The following CYRIB variants were observed in gnomAD, a reference collection of about 807,000 sequenced individuals.
CYRIB encodes CYFIP-related Rac1 interactor B.
A neutral mutation model predicts 44.2 loss-of-function variants in CYRIB; 8 were observed. That is an observed-to-expected ratio of 0.18 (90% CI 0.11 to 0.33). CYRIB has a LOEUF of 0.33. Among genes scored for constraint, CYRIB ranks in the 10% least tolerant of loss-of-function variants. The pLI is 1.00. For synonymous variants in CYRIB, 131 were observed against 127.2 expected (o/e 1.03, Z -0.20); for missense variants, 185 against 382.8 (o/e 0.48, Z 4.31).
chr8:129,981,990 G>A (rs1455509436), intron 1 of CYRIB, among the ~76,000 whole-genome samples: 4 of 152,212 alleles, frequency 2.6e-5, no homozygotes, highest in Non-Finnish European at 4.4e-5. Flanking sequence ...ATTCCTCTTT[G>A]TGTCCTGGTA....
intron 1 of CYRIB, among the ~76,000 whole-genome samples, chr8:129,921,465 C>T (rs768701928): frequency 9.2e-5 from 14 of 152,326 alleles, no homozygotes; most frequent in Non-Finnish European, 1.9e-4. Flanking sequence ...TATCACCAAA[C>T]CGAGACCTTT....
At chr8:129,882,541 G>A (rs2061165117) in intron 2 of CYRIB, among the ~76,000 whole-genome samples, 1 of 152,092 alleles carries the variant, frequency 6.6e-6, no homozygotes, top group African/African-American at 2.4e-5. Context: ...TCAGAATGAA[G>A]CCCATATTTA....
intron 1 of CYRIB, among the ~76,000 whole-genome samples, chr8:129,919,390 T>C (rs1188256834): frequency 6.6e-6 from 1 of 152,194 alleles, no homozygotes; most frequent in African/African-American, 2.4e-5. Context: ...AGACTCCCAA[T>C]AGGCCAGACA....
intron 1 of CYRIB, among the ~76,000 whole-genome samples, chr8:129,938,896 C>T (rs150482542): frequency 6.6e-6 from 1 of 152,300 alleles, no homozygotes; most frequent in East Asian, 1.9e-4. Flanking sequence ...TTGCCACTTC[C>T]ACTAGAGTTT....
intron 1 of CYRIB, among the ~76,000 whole-genome samples, chr8:129,928,077 G>A (rs140955917): frequency 1.5e-3 from 225 of 151,664 alleles, no homozygotes; most frequent in African/African-American, 1.8e-3. Context: ...CTTTGGTGAG[G>A]CAAAGATTTC....
chr8:129,846,152 T>A (rs552579480), intron 11 of CYRIB, among the ~76,000 whole-genome samples: 13 of 152,206 alleles, frequency 8.5e-5, no homozygotes, highest in Non-Finnish European at 1.6e-4. Context: ...AATAATGTTC[T>A]AGCATTTGTA....
Position 129,922,863 on chromosome 8 carries a change from C to CA in CYRIB, c.-50+16744dup, listed in dbSNP as rs1240350053. Among the ~76,000 whole-genome samples, 838 of 121,840 alleles carry CA rather than the reference C, an allele frequency of 6.9e-3. 10 individuals carry two copies. Among genetic ancestry groups the CA allele is most frequent in the African/African-American group, 0.02 (679 of 33,294 alleles). The allele number at this position is 121,840 out of a possible 152,430, so 79.9% of individuals were successfully genotyped here. ...GGGCGACAGAGTGAGACTCCGTCTCCAAAAAAAAAACAAAAAAAGATGCTT... is the reference window on the plus strand; with the variant it reads ...GGGCGACAGAGTGAGACTCCGTCTCCAAAAAAAAAAACAAAAAAAGATGCTT... On this transcript the variant is annotated intron_variant, in intron 1 of 11. Transcript: ENST00000519824.
chr8:129,949,914 C>T (rs1187368787), intron 2 of CYRIB, among the ~76,000 whole-genome samples: 1 of 152,012 alleles, frequency 6.6e-6, no homozygotes, highest in Admixed American at 6.6e-5. Flanking sequence ...AAAACAGCCA[C>T]AATTATCACC....
chr8:129,969,471 A>G (rs921494027), intron 2 of CYRIB, among the ~76,000 whole-genome samples: 1 of 152,204 alleles, frequency 6.6e-6, no homozygotes, highest in African/African-American at 2.4e-5. Flanking sequence ...ACTAAATTTA[A>G]TATAACCACT....
At chr8:129,942,698 C>A (rs1203500540), upstream of CYRIB, among the ~76,000 whole-genome samples, 2 of 152,170 alleles carry the variant, frequency 1.3e-5, no homozygotes, top group East Asian at 3.8e-4. Context: ...TGATGATTTA[C>A]GCATTGTGGC....
At chr8:129,871,518 GA>G in intron 3 of CYRIB, 22 bp from the exon 6 acceptor site, 2 of 1,600,374 alleles carry the variant, frequency 1.2e-6, no homozygotes, top group Non-Finnish European at 1.7e-6. Flanking sequence ...GAAAGCACAA[GA>G]AAATTTACAG....
chr8:129,991,272 C>T (rs1331289478), intron 1 of CYRIB, among the ~76,000 whole-genome samples: 4 of 151,838 alleles, frequency 2.6e-5, no homozygotes, highest in Non-Finnish European at 4.4e-5. Context: ...AGTATGTGCT[C>T]AATAAATACT....
At chr8:129,863,302 G>A (rs1467582914) in intron 4 of CYRIB, among the ~76,000 whole-genome samples, 3 of 152,082 alleles carry the variant, frequency 2.0e-5, no homozygotes, top group Admixed American at 6.5e-5. Context: ...TGAGGCAGGC[G>A]GATCACAAGG....
intron 2 of CYRIB, among the ~76,000 whole-genome samples, chr8:129,968,657 T>TA: frequency 6.6e-6 from 1 of 152,328 alleles, no homozygotes; most frequent in East Asian, 1.9e-4. Context: ...GACCAGTTCT[T>TA]ACGTTAATTT....
At chr8:129,882,382 G>A (rs915728116) in intron 2 of CYRIB, among the ~76,000 whole-genome samples, 1 of 152,210 alleles carries the variant, frequency 6.6e-6, no homozygotes, top group Non-Finnish European at 1.5e-5. Flanking sequence ...CACTGACTCA[G>A]TGTCTGGCAC....
rs763071195 is a variant in CYRIB, at chr8:129,932,497, A to C, written c.-50+7111T>G. Among the ~76,000 whole-genome samples, 143 of 152,268 alleles carry C rather than the reference A, an allele frequency of 9.4e-4. 1 individual carries two copies. The highest frequency in any genetic ancestry group is 3.4e-3 in the Middle Eastern group (1 of 294). On this transcript the variant is annotated intron_variant, in intron 1 of 11. Transcript: ENST00000519824. Reference sequence around the variant, plus strand: ...CAGTAAGAAAGCCCACTGGGTGTACAAGTACTACCTGGTCCTCTTCACATC... The same window carrying C: ...CAGTAAGAAAGCCCACTGGGTGTACCAGTACTACCTGGTCCTCTTCACATC...
intron 11 of CYRIB, among the ~76,000 whole-genome samples, chr8:129,844,767 G>A (rs2038817298): frequency 6.6e-6 from 1 of 152,210 alleles, no homozygotes; most frequent in South Asian, 2.1e-4. Context: ...GTGGAGGTGT[G>A]TAACACTCGT....
At chr8:129,868,826 T>G (rs1158182978) in intron 4 of CYRIB, 2 of 151,520 alleles carry the variant, frequency 1.3e-5, no homozygotes, top group Admixed American at 6.6e-5. Flanking sequence ...CTATTATTAT[T>G]TTATTGTAGA....
At chr8:129,916,229 CTT>C (rs1172817227) in intron 1 of CYRIB, among the ~76,000 whole-genome samples, 2 of 152,098 alleles carry the variant, frequency 1.3e-5, no homozygotes, top group Non-Finnish European at 2.9e-5. Flanking sequence ...CATATTTATT[CTT>C]TGTCATTTCC....
Sources: allele counts gnomAD v4.1 joint callset (sites outside exome capture counted in the v4.1 genomes callset), GRCh38; gene constraint gnomAD v4.1.1; transcripts MANE v1.5; gene names NCBI Gene and HGNC (gene_info 2026-07-23, HGNC 2026-07-21).